The following ROBO1 variants were observed in gnomAD, a reference collection of about 807,000 sequenced individuals.
The protein encoded by ROBO1 is roundabout homolog 1.
In ROBO1, 149 loss-of-function variants were observed where a neutral mutation model predicts 195.9. The ratio of observed to expected loss-of-function variants is 0.76; its 90% CI spans 0.67 to 0.87. The LOEUF is 0.87. Ranked by LOEUF, ROBO1 falls within the 40% of genes least tolerant of loss-of-function variation. The pLI, the probability that ROBO1 is intolerant of heterozygous loss-of-function variation, is 0.00. For synonymous variants in ROBO1, 816 were observed against 733.2 expected (o/e 1.11, Z -1.82); for missense variants, 1,933 against 2,068.3 (o/e 0.93, Z 1.27).
intron 2 of ROBO1, among the ~76,000 whole-genome samples, chr3:79,157,100 TTCTC>T (rs147356118): frequency 0.023 from 3,484 of 151,954 alleles, 106 homozygotes; most frequent in African/African-American, 0.075. Context: ...TTAGCCTGTG[TTCTC>T]TCTCTGTCTC....
At chr3:79,155,068 C>G (rs1169161379) in intron 2 of ROBO1, among the ~76,000 whole-genome samples, 1 of 151,804 alleles carries the variant, frequency 6.6e-6, no homozygotes, top group African/African-American at 2.4e-5. Flanking sequence ...GACACATTGA[C>G]TCCTATTGCC....
At chr3:79,205,395 A>G (rs554162757) in intron 2 of ROBO1, among the ~76,000 whole-genome samples, 1 of 152,288 alleles carries the variant, frequency 6.6e-6, no homozygotes, top group Admixed American at 6.5e-5. Flanking sequence ...TAATTAACTT[A>G]TCTATGTGTC....
intron 3 of ROBO1, among the ~76,000 whole-genome samples, chr3:78,994,208 T>C (rs1167605698): frequency 6.6e-6 from 1 of 152,164 alleles, no homozygotes; most frequent in East Asian, 1.9e-4. Flanking sequence ...AGTAACCTTA[T>C]GCCCTCAAAC....
chr3:79,041,693 T>C (rs935216065), intron 3 of ROBO1, among the ~76,000 whole-genome samples: 2 of 152,156 alleles, frequency 1.3e-5, no homozygotes, highest in African/African-American at 4.8e-5. Context: ...TGTGGGTTCA[T>C]GTGGTTATCC....
intron 3 of ROBO1, among the ~76,000 whole-genome samples, chr3:79,033,298 C>A (rs186468100): frequency 1.3e-5 from 2 of 152,108 alleles, no homozygotes; most frequent in East Asian, 1.9e-4. Context: ...GTGTTTATTT[C>A]TTTAAAGTAA....
chr3:78,701,173 G>A (rs1031786153), intron 8 of ROBO1, among the ~76,000 whole-genome samples: 1 of 152,174 alleles, frequency 6.6e-6, no homozygotes, highest in African/African-American at 2.4e-5. Flanking sequence ...GTTCTGAAAT[G>A]TTTTGTCTCC....
intron 4 of ROBO1, among the ~76,000 whole-genome samples, chr3:78,895,798 T>C (rs2037191531): frequency 6.6e-6 from 1 of 152,180 alleles, no homozygotes; most frequent in African/African-American, 2.4e-5. Context: ...CAATCACACA[T>C]TTTAAAACAA....
At chr3:79,279,430 A>G (rs1245392101) in intron 2 of ROBO1, among the ~76,000 whole-genome samples, 1 of 152,196 alleles carries the variant, frequency 6.6e-6, no homozygotes, top group Non-Finnish European at 1.5e-5. Flanking sequence ...ACCATCCCAA[A>G]TAGTATCACT....
At position 78,688,768 on chromosome 3, in the gene ROBO1, A is replaced by C; in HGVS notation, c.1050T>G (p.Pro350=). Residue 350 remains proline, a synonymous_variant, in exon 9 of 31, where the codon CCT becomes CCG. Coordinates refer to ENST00000464233, the MANE Select transcript of ROBO1 (RefSeq NM_002941.4). ...CACGGGGTTTCACAACAAAATGTGG[A>C]GGTTCTGAAGGAGGTGAAACAAATT... ...EASATLTVQE[P]PHFVVKPRDQ... is the part of the protein sequence containing the mutation. The C allele has an allele frequency of 6.2e-7, 1 of 1,607,142 alleles. No homozygotes were observed. Among genetic ancestry groups the C allele is most frequent in the Non-Finnish European group, 8.5e-7 (1 of 1,176,730 alleles).
At chr3:79,760,258 A>AAAAAAAAAAAAAAG (rs1704621319) in intron 1 of ROBO1, among the ~76,000 whole-genome samples, 1 of 145,432 alleles carries the variant, frequency 6.9e-6, no homozygotes, top group Non-Finnish European at 1.5e-5. Flanking sequence ...AAAAAAAAAA[A>AAAAAAAAAAAAAAG]AAAAAAAAAA....
At chr3:79,442,519 G>T (rs1376595040) in intron 2 of ROBO1, among the ~76,000 whole-genome samples, 2 of 152,012 alleles carry the variant, frequency 1.3e-5, no homozygotes. Flanking sequence ...AGGCATTCTG[G>T]TGGTCCCGTC....
chr3:79,116,273 T>A (rs1454346055), intron 3 of ROBO1, among the ~76,000 whole-genome samples: 1 of 151,718 alleles, frequency 6.6e-6, no homozygotes, highest in East Asian at 1.9e-4. Flanking sequence ...CTTCCTTCCT[T>A]CCTTTCTTTT....
chr3:79,645,750 C>T (rs1232437369), intron 1 of ROBO1, among the ~76,000 whole-genome samples: 1 of 152,078 alleles, frequency 6.6e-6, no homozygotes, highest in African/African-American at 2.4e-5. Context: ...ACCAAGTCAA[C>T]ATGATACTGG....
chr3:79,284,145 T>A lies in ROBO1; in HGVS notation c.89-158606A>T, dbSNP rs186832408. Among the ~76,000 whole-genome samples, 709 of 152,042 alleles carry A rather than the reference T, an allele frequency of 4.7e-3. 11 individuals are homozygous for A. The highest frequency in any genetic ancestry group is 0.022 in the Admixed American group (335 of 15,254). ...CATATCAGGAATAAATGTTTCTCTT[T>A]CTCTTACCCAATTTGGCACCCTAGA... is the stretch of plus-strand genomic sequence containing the variant. On this transcript the variant is annotated intron_variant, in intron 2 of 30. Coordinates refer to ENST00000464233, the MANE Select transcript of ROBO1 (RefSeq NM_002941.4).
rs550491037 is a variant in ROBO1 at position 79,399,748 on chromosome 3, C to T, written c.88+190076G>A. 8.5e-5 allele frequency among the ~76,000 whole-genome samples: 13 copies of T among 152,218 alleles called. No homozygotes were observed. The East Asian group carries it at 2.5e-3, about 29-fold the overall frequency. On this transcript the variant is annotated intron_variant, in intron 2 of 30. Transcript: ENST00000464233. ...TGATGCTTTCAGGTTGACAGAAGAG[C>T]ATGGGCTCATTGCGTTGAGCGTAAA...
At chr3:79,543,692 TA>T (rs953595188) in intron 2 of ROBO1, among the ~76,000 whole-genome samples, 2 of 152,148 alleles carry the variant, frequency 1.3e-5, no homozygotes, top group African/African-American at 4.8e-5. Flanking sequence ...AAGCCCTTTT[TA>T]TTAGCTGTAT....
At chr3:78,606,605 G>A (rs1477979848) in intron 29 of ROBO1, 128 bp downstream of exon 29, 1 of 839,136 alleles carries the variant, frequency 1.2e-6, no homozygotes, top group Admixed American at 2.2e-5. Context: ...TCGAGTACAT[G>A]CCTATCTCCT....
chr3:78,718,055 G>T (rs573003117), intron 5 of ROBO1, among the ~76,000 whole-genome samples, 172 bp from the exon 6 acceptor site: 1 of 152,216 alleles, frequency 6.6e-6, no homozygotes, highest in Non-Finnish European at 1.5e-5. Context: ...AAAGAGAATT[G>T]ACTCCAAAGG....
intron 3 of ROBO1, among the ~76,000 whole-genome samples, chr3:79,038,682 T>C (rs1360647413): frequency 1.3e-5 from 2 of 148,918 alleles, no homozygotes; most frequent in Non-Finnish European, 1.5e-5. Context: ...AAATAATCTA[T>C]GAAACATTAA....
Sources: gnomAD v4.1 joint callset for allele counts (sites outside exome capture counted in the v4.1 genomes callset) on GRCh38, gnomAD v4.1.1 for gene constraint, MANE v1.5 for transcripts, NCBI Gene and HGNC (gene_info 2026-07-23, HGNC 2026-07-21) for gene names.